COLEC10: variants seen among roughly 807,000 people sequenced by gnomAD.
COLEC10 encodes the protein collectin-10.
Under a neutral mutation model 28.4 loss-of-function variants are expected in COLEC10, and 22 were observed. The ratio of observed to expected loss-of-function variants is 0.78; its 90% confidence interval spans 0.55 to 1.11. The LOEUF is 1.11. Among genes scored for constraint, COLEC10 ranks in the 50% least tolerant of loss-of-function variants. The pLI is 0.00. For synonymous variants in COLEC10, 125 were observed against 116.1 expected (o/e 1.08, Z -0.49); for missense variants, 361 against 344.1 (o/e 1.05, Z -0.39).
At chr8:118,955,030 CTGGTTA>C in the COLEC10 span, among the ~76,000 whole-genome samples, 3 of 152,084 alleles carry the variant, frequency 2.0e-5, no homozygotes. Context: ...AATACCGGTT[CTGGTTA>C]TGCAGAGAAA....
intron 1 of COLEC10, among the ~76,000 whole-genome samples, chr8:119,083,871 A>C (rs1267087408): frequency 6.6e-6 from 1 of 152,126 alleles, no homozygotes; most frequent in African/African-American, 2.4e-5. Context: ...TAAATTCAGG[A>C]GTTGAGCCTA....
intron 1 of COLEC10, among the ~76,000 whole-genome samples, chr8:119,082,865 T>A (rs1815395225): frequency 6.6e-6 from 1 of 152,170 alleles, no homozygotes; most frequent in Non-Finnish European, 1.5e-5. Context: ...CAAAGAATAG[T>A]GGAGAGTTTG....
chr8:119,017,082 C>T (rs1231708819), intron 2 of COLEC10, among the ~76,000 whole-genome samples: 5 of 152,104 alleles, frequency 3.3e-5, no homozygotes, highest in African/African-American at 1.2e-4. Context: ...TTTTGATTTG[C>T]ACTTCTCTAA....
the COLEC10 span, among the ~76,000 whole-genome samples, chr8:118,979,191 T>A: frequency 1.1e-4 from 16 of 152,166 alleles, no homozygotes; most frequent in Middle Eastern, 3.4e-3. Flanking sequence ...CATTTGATAT[T>A]TTTTCCAAAT....
intron 3 of COLEC10, among the ~76,000 whole-genome samples, chr8:119,100,754 G>A (rs1468130034): frequency 6.6e-6 from 1 of 152,030 alleles, no homozygotes; most frequent in African/African-American, 2.4e-5. Context: ...CATGTATCAC[G>A]TTCCATTGGT....
Position 119,044,256 on chromosome 8 carries a change from G to T in COLEC10, n.235+34703G>T, listed in dbSNP as rs117371344. Among the ~76,000 whole-genome samples the T allele has an allele frequency of 3.4e-3, 523 of 152,288 alleles. 1 individual carries two copies. Among genetic ancestry groups the T allele is most frequent in the Non-Finnish European group, 6.1e-3 (413 of 68,024 alleles). On this transcript the variant is annotated intron_variant and non_coding_transcript_variant, in intron 2 of 6. Transcript: ENST00000521788. ...GAATGCCAAGATCCACATTTTACTT[G>T]CCAAGAATCAGAAAATGTATTCTAA...
intron 1 of COLEC10, among the ~76,000 whole-genome samples, chr8:119,070,446 G>GCTCGCT (rs1554627407): frequency 2.0e-4 from 16 of 80,600 alleles, no homozygotes; most frequent in African/African-American, 9.6e-4. Flanking sequence ...GTTCTCCCTC[G>GCTCGCT]CTCTCTCTCT....
intron 1 of COLEC10, chr8:119,068,250 A>C (rs73325477): frequency 1.3e-5 from 2 of 152,150 alleles, no homozygotes; most frequent in African/African-American, 4.8e-5. Context: ...TTTCCAAAAA[A>C]CAAAATTCAG....
At chr8:119,015,173 T>C (rs956641445) in intron 2 of COLEC10, among the ~76,000 whole-genome samples, 1 of 149,896 alleles carries the variant, frequency 6.7e-6, no homozygotes, top group Admixed American at 6.6e-5. Context: ...GTAAAAGAAA[T>C]TGCTCTTAGT....
chr8:118,994,356 G>C (rs970914660), upstream of COLEC10, among the ~76,000 whole-genome samples: 2 of 152,054 alleles, frequency 1.3e-5, no homozygotes, highest in Admixed American at 1.3e-4. Flanking sequence ...TCTACACTGT[G>C]GAACCTGAAA....
intron 2 of COLEC10, among the ~76,000 whole-genome samples, chr8:119,047,589 G>C (rs1192029572): frequency 6.6e-6 from 1 of 152,130 alleles, no homozygotes; most frequent in Admixed American, 6.5e-5. Context: ...TTCACTTTCA[G>C]GCTCATAATA....
intron 1 of COLEC10, among the ~76,000 whole-genome samples, chr8:119,074,997 CAG>C (rs1442959853): frequency 6.6e-6 from 1 of 152,194 alleles, no homozygotes. Context: ...GAAGTAGTCT[CAG>C]GGGCTCTGTA....
upstream of COLEC10, among the ~76,000 whole-genome samples, chr8:118,991,701 T>C (rs1337548369): frequency 6.6e-6 from 1 of 152,188 alleles, no homozygotes; most frequent in Admixed American, 6.5e-5. Flanking sequence ...TTCTGGATTT[T>C]CTTGTGTGGC....
rs1280481295 is a variant in COLEC10, at chr8:119,103,494, C to CA, written c.347-296dup. Among the ~76,000 whole-genome samples, 520 of 146,364 alleles carry CA rather than the reference C, an allele frequency of 3.6e-3. 3 individuals are homozygous for CA. The highest frequency in any genetic ancestry group is 5.9e-3 in the Admixed American group (87 of 14,696). On this transcript the variant is annotated intron_variant, in intron 4 of 5. Transcript: ENST00000332843. ...TTGGGCAGACACATTCTGTGTTCAA[C>CA]AAAAAAAAAATGCCAAATGGTCCAA...
At chr8:119,073,725 A>G (rs1587042679) in intron 1 of COLEC10, among the ~76,000 whole-genome samples, 1 of 152,090 alleles carries the variant, frequency 6.6e-6, no homozygotes, top group East Asian at 1.9e-4. Context: ...AGGAAGTAGT[A>G]CTAAATGGTA....
intron 1 of COLEC10, among the ~76,000 whole-genome samples, chr8:119,004,036 A>G (rs1400320336): frequency 6.6e-6 from 1 of 152,100 alleles, no homozygotes; most frequent in Non-Finnish European, 1.5e-5. Flanking sequence ...AAACCAGGAC[A>G]TATGCTTAAC....
chr8:119,008,531 G>A (rs186809234), intron 1 of COLEC10, among the ~76,000 whole-genome samples: 60 of 148,698 alleles, frequency 4.0e-4, no homozygotes, highest in Non-Finnish European at 1.5e-4. Context: ...TTGGATCCCC[G>A]ACAACTCAAA....
At chr8:119,065,490 A>G (rs577373309), upstream of COLEC10, among the ~76,000 whole-genome samples, 11 of 152,254 alleles carry the variant, frequency 7.2e-5, no homozygotes, top group African/African-American at 2.6e-4. Context: ...CTGATTCTAC[A>G]TTATAGTGAG....
the COLEC10 span, among the ~76,000 whole-genome samples, chr8:118,980,027 C>G: frequency 6.6e-6 from 1 of 151,806 alleles, no homozygotes; most frequent in Non-Finnish European, 1.5e-5. Context: ...AGATAGAGCC[C>G]AAGACAAAAG....
Sources: gnomAD v4.1 joint callset for allele counts (sites outside exome capture counted in the v4.1 genomes callset) on GRCh38, gnomAD v4.1.1 for gene constraint, MANE v1.5 for transcripts, NCBI Gene and HGNC (gene_info 2026-07-23, HGNC 2026-07-21) for gene names.